Variants in GRIP1 observed in about 807,000 individuals in gnomAD.
GRIP1 encodes glutamate receptor-interacting protein 1.
In GRIP1, 45 loss-of-function variants were observed where a neutral mutation model predicts 129.9. That is an observed-to-expected ratio of 0.35 (90% CI 0.27 to 0.44). GRIP1 has a LOEUF of 0.44. Among genes scored for constraint, GRIP1 ranks in the 20% least tolerant of loss-of-function variants. The pLI, the probability that GRIP1 is intolerant of heterozygous loss-of-function variation, is 1.00. For synonymous variants in GRIP1, 530 were observed against 520.8 expected, an observed-to-expected ratio of 1.02 and a Z score of -0.24; for missense variants, 1,196 against 1,396.8, an observed-to-expected ratio of 0.86 and a Z score of 2.29.
intron 1 of GRIP1, among the ~76,000 whole-genome samples, chr12:67,022,318 G>T (rs2042879316): frequency 6.6e-6 from 1 of 152,172 alleles, no homozygotes; most frequent in Non-Finnish European, 1.5e-5. Flanking sequence ...TTACACCACA[G>T]TTTATTTATG....
intron 1 of GRIP1, among the ~76,000 whole-genome samples, chr12:66,819,441 A>G (rs12309108): frequency 0.013 from 1,910 of 152,304 alleles, 38 homozygotes; most frequent in African/African-American, 0.044. Flanking sequence ...GTCACAGGAA[A>G]TCATGATACA....
At chr12:66,804,763 CCT>C (rs1244136898), upstream of GRIP1, among the ~76,000 whole-genome samples, 2 of 152,308 alleles carry the variant, frequency 1.3e-5, no homozygotes, top group African/African-American at 4.8e-5. Flanking sequence ...GCTTGGGAAA[CCT>C]CTTGAAAAGC....
chr12:66,722,541 A>T (rs1229742952), intron 1 of GRIP1, among the ~76,000 whole-genome samples: 1 of 152,202 alleles, frequency 6.6e-6, no homozygotes, highest in Non-Finnish European at 1.5e-5. Flanking sequence ...AAATATTGTG[A>T]GAATTGCCAA....
At chr12:66,459,081 A>G (rs540178269) in intron 9 of GRIP1, among the ~76,000 whole-genome samples, 4 of 152,360 alleles carry the variant, frequency 2.6e-5, no homozygotes, top group Admixed American at 1.3e-4. Flanking sequence ...TGTGAATTCT[A>G]TAAGAGTAGG....
intron 1 of GRIP1, among the ~76,000 whole-genome samples, chr12:66,962,253 G>C (rs2041931905): frequency 6.6e-6 from 1 of 152,134 alleles, no homozygotes; most frequent in Admixed American, 6.6e-5. Flanking sequence ...GGAAGTTTTT[G>C]AAATGGATGG....
At chr12:66,724,705 G>A (rs1262541871) in intron 1 of GRIP1, among the ~76,000 whole-genome samples, 1 of 152,004 alleles carries the variant, frequency 6.6e-6, no homozygotes, top group African/African-American at 2.4e-5. Flanking sequence ...TTTGTCTTGG[G>A]CACATAAATA....
At chr12:66,653,286 G>A (rs980386885) in intron 1 of GRIP1, among the ~76,000 whole-genome samples, 2 of 152,088 alleles carry the variant, frequency 1.3e-5, no homozygotes, top group Non-Finnish European at 2.9e-5. Flanking sequence ...TCTCTTTTTA[G>A]GTAAAATACC....
At chr12:66,444,872 C>A in intron 12 of GRIP1, 143 bp from the exon 13 acceptor site, 2 of 797,430 alleles carry the variant, frequency 2.5e-6, no homozygotes, top group Non-Finnish European at 2.2e-6. Context: ...TCATATAGGT[C>A]AAATTCAACG....
intron 1 of GRIP1, among the ~76,000 whole-genome samples, chr12:66,882,744 T>A (rs779069883): frequency 2.6e-5 from 4 of 152,176 alleles, no homozygotes; most frequent in Non-Finnish European, 5.9e-5. Flanking sequence ...TTCTGCTTAT[T>A]TCATATTTTG....
At chr12:66,363,761 C>T (rs987482316) in intron 23 of GRIP1, among the ~76,000 whole-genome samples, 2 of 151,874 alleles carry the variant, frequency 1.3e-5, no homozygotes, top group Non-Finnish European at 2.9e-5. Context: ...TATGATCTTG[C>T]TTATGTGTGG....
chr12:66,661,086 C>T (rs763219825), intron 1 of GRIP1, among the ~76,000 whole-genome samples: 14 of 151,788 alleles, frequency 9.2e-5, no homozygotes, highest in South Asian at 2.1e-4. Context: ...TTCCTGGAAA[C>T]GACAGAAACA....
At chr12:66,383,429 T>C (rs1487804274) in intron 19 of GRIP1, among the ~76,000 whole-genome samples, 1 of 152,188 alleles carries the variant, frequency 6.6e-6, no homozygotes, top group East Asian at 1.9e-4. Context: ...GGGTCTCTGT[T>C]CTACTCCTAA....
At position 66,792,605 on chromosome 12, in the gene GRIP1, T is replaced by C. The variant is rs193040944; in HGVS notation, c.-420+11448A>G. On this transcript the variant is annotated intron_variant, in intron 1 of 4. Coordinates refer to the GRIP1 transcript ENST00000538373. ...CAGAGTCTCCTTATGTTGCCCAGGC[T>C]ATATGGGACTATCTCTGAGGTTTGC... Among the ~76,000 whole-genome samples, 16 of 152,306 alleles carry C rather than the reference T, an allele frequency of 1.1e-4. No homozygotes were observed. The East Asian group carries it at 3.1e-3, about 29-fold the overall frequency.
At chr12:66,724,647 G>A (rs1003570731) in intron 1 of GRIP1, among the ~76,000 whole-genome samples, 2 of 152,100 alleles carry the variant, frequency 1.3e-5, no homozygotes, top group Non-Finnish European at 2.9e-5. Context: ...GCAGTATTCT[G>A]TACCATACGA....
chr12:66,598,424 C>G (rs2064140975), intron 1 of GRIP1, among the ~76,000 whole-genome samples: 1 of 152,156 alleles, frequency 6.6e-6, no homozygotes, highest in Non-Finnish European at 1.5e-5. Flanking sequence ...TTTCAGATAC[C>G]AATTCAATCA....
At chr12:66,549,213 A>C (rs952859603) in intron 2 of GRIP1, among the ~76,000 whole-genome samples, 1 of 152,176 alleles carries the variant, frequency 6.6e-6, no homozygotes, top group Non-Finnish European at 1.5e-5. Context: ...GAACGAGCAC[A>C]TCAGTCCCAA....
At chr12:66,927,778 CA>C (rs1398372481) in intron 1 of GRIP1, among the ~76,000 whole-genome samples, 1 of 152,324 alleles carries the variant, frequency 6.6e-6, no homozygotes. Flanking sequence ...CTATCATTCT[CA>C]GGGGGAACAA....
intron 1 of GRIP1, among the ~76,000 whole-genome samples, chr12:66,741,791 G>T (rs997002561): frequency 2.6e-5 from 4 of 152,150 alleles, no homozygotes; most frequent in African/African-American, 9.7e-5. Flanking sequence ...GCAGCTAGTG[G>T]CTATGGTATT....
rs77776731 is a variant in GRIP1 at position 66,534,714 on chromosome 12, G to T, written c.418+4364C>A. ...TCCTTCTCTCTCTCTCTCTTTTTGA[G>T]ATGGAGTCTTGCTCTGTTGCCCAGG... is the stretch of plus-strand genomic sequence containing the variant. On this transcript the variant is annotated intron_variant, in intron 4 of 24. Transcript: ENST00000359742. Among the ~76,000 whole-genome samples the T allele has an allele frequency of 2.5e-4, 38 of 151,194 alleles. 1 individual carries two copies. In the East Asian group the frequency reaches 6.2e-3, roughly 25 times the overall value.
Sources: allele counts gnomAD v4.1 joint callset (sites outside exome capture counted in the v4.1 genomes callset), GRCh38; gene constraint gnomAD v4.1.1; transcripts MANE v1.5; gene names NCBI Gene and HGNC (gene_info 2026-07-23, HGNC 2026-07-21).